CDKL4: variants seen among roughly 807,000 people sequenced by gnomAD.
The protein encoded by CDKL4 is cyclin dependent kinase like 4, also known as cyclin-dependent kinase-like 4.
CDKL4 carries 44 observed loss-of-function variants against 42.0 expected under a neutral mutation model. The observed-to-expected ratio is 1.05, with a 90% CI of 0.82 to 1.35. CDKL4 has a LOEUF of 1.35. Ranked by LOEUF, CDKL4 falls within the 40% of genes most tolerant of loss-of-function variation. CDKL4 has a pLI of 0.00. For synonymous variants in CDKL4, 120 were observed against 121.6 expected (o/e 0.99, Z 0.09); for missense variants, 393 against 369.9 (o/e 1.06, Z -0.51).
At chr2:39,220,997 T>TG (rs1678307717) in intron 3 of CDKL4, among the ~76,000 whole-genome samples, 9 of 55,392 alleles carry the variant, frequency 1.6e-4, no homozygotes, top group East Asian at 6.1e-4. Context: ...TTTTTTTTTT[T>TG]TTTGTTTTTT....
At chr2:39,244,595 G>C (rs1262180047), upstream of CDKL4, among the ~76,000 whole-genome samples, 1 of 152,170 alleles carries the variant, frequency 6.6e-6, no homozygotes, top group Non-Finnish European at 1.5e-5. Flanking sequence ...GAACCTTCCC[G>C]ACGAGTGCCA....
At chr2:39,237,898 T>C (rs1487330045) in intron 1 of CDKL4, among the ~76,000 whole-genome samples, 1 of 152,102 alleles carries the variant, frequency 6.6e-6, no homozygotes, top group Non-Finnish European at 1.5e-5. Flanking sequence ...TAAATCATCT[T>C]TTTATATAAT....
At chr2:39,179,854 G>C (rs1188124206) in intron 8 of CDKL4, among the ~76,000 whole-genome samples, 1 of 152,090 alleles carries the variant, frequency 6.6e-6, no homozygotes, top group Non-Finnish European at 1.5e-5. Flanking sequence ...TCATGAGAAT[G>C]AACCTAAAAC....
intron 7 of CDKL4, among the ~76,000 whole-genome samples, chr2:39,186,999 C>T (rs917994860): frequency 6.6e-6 from 1 of 152,094 alleles, no homozygotes; most frequent in Non-Finnish European, 1.5e-5. Context: ...TATGGTTTGG[C>T]TCTGTGTCCC....
intron 3 of CDKL4, among the ~76,000 whole-genome samples, chr2:39,218,652 G>C (rs1369149787): frequency 6.6e-6 from 1 of 152,174 alleles, no homozygotes; most frequent in Non-Finnish European, 1.5e-5. Context: ...TGAAGGCCTG[G>C]ATACAACAAA....
rs564028945 is a variant in CDKL4 at position 39,221,300 on chromosome 2, C to G, written c.290+4539G>C. ...AAAGTGCTGGGATTACAGGCGTGAGCCACTGCGCCCGTCCACATTGATGAT... is the reference window on the plus strand; with the variant it reads ...AAAGTGCTGGGATTACAGGCGTGAGGCACTGCGCCCGTCCACATTGATGAT... On this transcript the variant is annotated intron_variant, in intron 3 of 9. Coordinates refer to ENST00000451199, the Ensembl canonical transcript of CDKL4. 1.1e-3 allele frequency among the ~76,000 whole-genome samples: 167 copies of G among 152,174 alleles called. 2 individuals carry two copies. Among genetic ancestry groups the G allele is most frequent in the Admixed American group, 7.7e-3 (117 of 15,266 alleles).
At chr2:39,203,012 G>C (rs1413989668) in intron 5 of CDKL4, among the ~76,000 whole-genome samples, 1 of 152,140 alleles carries the variant, frequency 6.6e-6, no homozygotes, top group Admixed American at 6.5e-5. Context: ...ATCATTATTG[G>C]AATTGCCACA....
At chr2:39,193,956 T>C (rs986617593) in intron 5 of CDKL4, among the ~76,000 whole-genome samples, 1 of 152,252 alleles carries the variant, frequency 6.6e-6, no homozygotes, top group African/African-American at 2.4e-5. Flanking sequence ...TATTTCTGAA[T>C]GACTGGGTTC....
chr2:39,226,089 C>T (rs1678698392), intron 2 of CDKL4, 129 bp from the exon 3 acceptor site: 3 of 854,100 alleles, frequency 3.5e-6, no homozygotes, highest in Admixed American at 3.8e-5. Flanking sequence ...TAAGTGGTAA[C>T]AAAATTGCTT....
intron 4 of CDKL4, among the ~76,000 whole-genome samples, chr2:39,207,216 T>A (rs1310931485): frequency 6.6e-6 from 1 of 151,864 alleles, no homozygotes; most frequent in African/African-American, 2.4e-5. Flanking sequence ...TGAAACTCAG[T>A]CTCTACAAAA....
intron 6 of CDKL4, 131 bp downstream of exon 6, chr2:39,190,174 C>A: frequency 1.6e-6 from 1 of 632,102 alleles, no homozygotes; most frequent in Non-Finnish European, 2.5e-6. Flanking sequence ...TGAGAACAAC[C>A]ATCCTGAGTG....
At chr2:39,205,855 G>A (rs1469960785) in intron 4 of CDKL4, among the ~76,000 whole-genome samples, 7 of 151,748 alleles carry the variant, frequency 4.6e-5, no homozygotes, top group African/African-American at 1.7e-4. Flanking sequence ...TGCCCTGGGC[G>A]AGCTGGGGCG....
chr2:39,219,122 A>G (rs1678144268), intron 3 of CDKL4, among the ~76,000 whole-genome samples: 1 of 152,218 alleles, frequency 6.6e-6, no homozygotes, highest in Non-Finnish European at 1.5e-5. Flanking sequence ...AGGACCTGGT[A>G]CCTAATAGGA....
At chr2:39,179,378 G>A (rs376259279) in intron 8 of CDKL4, 57 bp from the exon 9 acceptor site, 37 of 1,375,000 alleles carry the variant, frequency 2.7e-5, no homozygotes, top group African/African-American at 1.3e-4. Context: ...TTTTGTTACC[G>A]TGCCCACAAA....
At chr2:39,244,555 C>T (rs1679826078), upstream of CDKL4, among the ~76,000 whole-genome samples, 1 of 152,238 alleles carries the variant, frequency 6.6e-6, no homozygotes, top group Admixed American at 6.5e-5. Flanking sequence ...CCTGAGCCTC[C>T]CACCCCCTCC....
chr2:39,242,431 C>G (rs1334838559), intron 1 of CDKL4, among the ~76,000 whole-genome samples: 1 of 152,144 alleles, frequency 6.6e-6, no homozygotes, highest in Non-Finnish European at 1.5e-5. Context: ...CAGAATTTAC[C>G]AAATATTTGA....
At chr2:39,206,545 T>G (rs1302389164) in intron 4 of CDKL4, among the ~76,000 whole-genome samples, 1 of 152,196 alleles carries the variant, frequency 6.6e-6, no homozygotes, top group East Asian at 1.9e-4. Flanking sequence ...GAAATGGGTT[T>G]CCATGTTGCG....
At chr2:39,213,362 T>G (rs748103563) in intron 4 of CDKL4, 38 bp downstream of exon 4, 6 of 1,265,542 alleles carry the variant, frequency 4.7e-6, no homozygotes, top group Non-Finnish European at 6.9e-6. Flanking sequence ...AGAGTCATCA[T>G]GAAGAAATGA....
At chr2:39,220,620 C>T (rs898433241) in intron 3 of CDKL4, among the ~76,000 whole-genome samples, 6 of 151,680 alleles carry the variant, frequency 4.0e-5, no homozygotes, top group African/African-American at 1.5e-4. Context: ...TGGAGTTTCG[C>T]TCTGTCGCCC....
Sources: gnomAD v4.1 joint callset for allele counts (sites outside exome capture counted in the v4.1 genomes callset) on GRCh38, gnomAD v4.1.1 for gene constraint, MANE v1.5 for transcripts, NCBI Gene and HGNC (gene_info 2026-07-23, HGNC 2026-07-21) for gene names.